The following ADAMTS19 variants were observed in gnomAD, a reference collection of about 807,000 sequenced individuals.
ADAMTS19 encodes the protein ADAM metallopeptidase with thrombospondin type 1 motif 19.
Under a neutral mutation model 153.3 loss-of-function variants are expected in ADAMTS19, and 93 were observed. The observed-to-expected ratio is 0.61, with a 90% CI of 0.51 to 0.72. The LOEUF (loss-of-function observed/expected upper bound fraction) is 0.72, where lower values mean the gene tolerates loss of function less well. Ranked by LOEUF, ADAMTS19 falls within the 30% of genes least tolerant of loss-of-function variation. The pLI, the probability that ADAMTS19 is intolerant of heterozygous loss-of-function variation, is 0.00. For synonymous variants in ADAMTS19, 600 were observed against 556.6 expected, an observed-to-expected ratio of 1.08 and a Z score of -1.10; for missense variants, 1,482 against 1,552.1, an observed-to-expected ratio of 0.95 and a Z score of 0.76.
chr5:129,607,182 G>A (rs1750942225), intron 8 of ADAMTS19, among the ~76,000 whole-genome samples: 1 of 152,156 alleles, frequency 6.6e-6, no homozygotes, highest in Non-Finnish European at 1.5e-5. Flanking sequence ...CTCCCAAAGT[G>A]TTGGGATTAC....
intron 6 of ADAMTS19, among the ~76,000 whole-genome samples, chr5:129,538,595 G>A (rs1752543850): frequency 6.6e-6 from 1 of 152,012 alleles, no homozygotes. Flanking sequence ...AAAGAAGAAA[G>A]CATAGTGTGA....
chr5:129,611,097 T>C (rs932312584), intron 8 of ADAMTS19, among the ~76,000 whole-genome samples: 1 of 152,214 alleles, frequency 6.6e-6, no homozygotes, highest in Non-Finnish European at 1.5e-5. Flanking sequence ...TTTTGAGAAG[T>C]GTCTGTTCGT....
At chr5:129,585,504 C>A (rs1749736633) in intron 7 of ADAMTS19, among the ~76,000 whole-genome samples, 1 of 151,916 alleles carries the variant, frequency 6.6e-6, no homozygotes, top group Non-Finnish European at 1.5e-5. Context: ...TTAAAAATAA[C>A]TTTTGAACAC....
intron 7 of ADAMTS19, among the ~76,000 whole-genome samples, chr5:129,584,441 G>C (rs571567486): frequency 5.1e-4 from 77 of 152,310 alleles, no homozygotes; most frequent in African/African-American, 1.7e-3. Flanking sequence ...GAGATCTGCT[G>C]CTCTCTTCAG....
At chr5:129,517,949 T>A (rs1361892414) in intron 3 of ADAMTS19, among the ~76,000 whole-genome samples, 2 of 152,064 alleles carry the variant, frequency 1.3e-5, no homozygotes, top group African/African-American at 4.8e-5. Flanking sequence ...ATTCTCTATG[T>A]ATTCACCATA....
At chr5:129,655,751 G>A (rs926394577) in intron 14 of ADAMTS19, among the ~76,000 whole-genome samples, 26 of 152,104 alleles carry the variant, frequency 1.7e-4, no homozygotes, top group Non-Finnish European at 3.5e-4. Flanking sequence ...AAGAAGCTGG[G>A]AACAACACGA....
chr5:129,702,944 ATATATATAT>A (rs1755971505), intron 20 of ADAMTS19, among the ~76,000 whole-genome samples: 4 of 21,892 alleles, frequency 1.8e-4, no homozygotes, highest in African/African-American at 3.6e-4. Context: ...AAAAAAAAAT[ATATATATAT>A]ATATATATAT....
chr5:129,664,545 G>A (rs145108588), intron 15 of ADAMTS19, among the ~76,000 whole-genome samples: 3 of 151,912 alleles, frequency 2.0e-5, no homozygotes, highest in Non-Finnish European at 4.4e-5. Flanking sequence ...CTACCACCAG[G>A]GGGGGTATAT....
intron 2 of ADAMTS19, among the ~76,000 whole-genome samples, chr5:129,486,421 G>A (rs568031469): frequency 1.3e-5 from 2 of 152,236 alleles, no homozygotes; most frequent in African/African-American, 4.8e-5. Flanking sequence ...CACTGCAAGG[G>A]TGGTTTAATA....
chr5:129,572,058 TC>T (rs1753931060), intron 7 of ADAMTS19, among the ~76,000 whole-genome samples: 1 of 151,720 alleles, frequency 6.6e-6, no homozygotes, highest in Non-Finnish European at 1.5e-5. Flanking sequence ...TAAGAGAAAA[TC>T]TTGATGACCT....
intron 6 of ADAMTS19, among the ~76,000 whole-genome samples, chr5:129,537,255 T>C: frequency 6.6e-6 from 1 of 151,944 alleles, no homozygotes; most frequent in Non-Finnish European, 1.5e-5. Context: ...AGAATGGCAA[T>C]CATTAAAAGG....
At chr5:129,611,194 T>C (rs565790228) in intron 8 of ADAMTS19, among the ~76,000 whole-genome samples, 3 of 152,188 alleles carry the variant, frequency 2.0e-5, no homozygotes, top group Non-Finnish European at 4.4e-5. Flanking sequence ...ATTAGCCCTT[T>C]GTCAGATGAG....
At chr5:129,706,627 A>C (rs1326205007) in intron 21 of ADAMTS19, among the ~76,000 whole-genome samples, 1 of 152,216 alleles carries the variant, frequency 6.6e-6, no homozygotes, top group East Asian at 1.9e-4. Context: ...TAACTATAAA[A>C]TACAGAAGAT....
At chr5:129,693,955 G>A (rs1755445656) in intron 18 of ADAMTS19, among the ~76,000 whole-genome samples, 1 of 152,122 alleles carries the variant, frequency 6.6e-6, no homozygotes, top group African/African-American at 2.4e-5. Context: ...CAAAACAAAT[G>A]TGCTTTCCAT....
chr5:129,596,223 T>C (rs182545551), intron 7 of ADAMTS19, among the ~76,000 whole-genome samples: 2 of 152,230 alleles, frequency 1.3e-5, no homozygotes, highest in Admixed American at 1.3e-4. Context: ...CATTGCTGTT[T>C]GATTATATTT....
chr5:129,608,160 T>G (rs1581139300), intron 8 of ADAMTS19, among the ~76,000 whole-genome samples: 1 of 112,066 alleles, frequency 8.9e-6, no homozygotes, highest in Middle Eastern at 5.9e-3. Flanking sequence ...TACTAAGTCT[T>G]TAAAAAGAGG....
At chr5:129,716,256 G>C (rs1055878336) in intron 21 of ADAMTS19, among the ~76,000 whole-genome samples, 1 of 151,952 alleles carries the variant, frequency 6.6e-6, no homozygotes, top group African/African-American at 2.4e-5. Context: ...GGAGTGCAGT[G>C]GTGCAATCTC....
chr5:129,704,012 A>G (rs1756030414), intron 20 of ADAMTS19, among the ~76,000 whole-genome samples: 1 of 152,180 alleles, frequency 6.6e-6, no homozygotes, highest in African/African-American at 2.4e-5. Flanking sequence ...ATAATGGCTC[A>G]GTATTTCTGA....
At chr5:129,601,031 CG>C (rs1447881522) in intron 8 of ADAMTS19, among the ~76,000 whole-genome samples, 1 of 151,992 alleles carries the variant, frequency 6.6e-6, no homozygotes, top group African/African-American at 2.4e-5. Context: ...CCACCACACC[CG>C]GCTAAATTTT....
Sources: allele counts gnomAD v4.1 joint callset (sites outside exome capture counted in the v4.1 genomes callset), GRCh38; gene constraint gnomAD v4.1.1; transcripts MANE v1.5; gene names NCBI Gene and HGNC (gene_info 2026-07-23, HGNC 2026-07-21).